Variants in WWOX observed in about 807,000 individuals in gnomAD.
The protein encoded by WWOX is WW domain-containing oxidoreductase.
In WWOX, 69 loss-of-function variants were observed where a neutral mutation model predicts 46.2. The ratio of observed to expected loss-of-function variants is 1.49; its 90% CI spans 1.23 to 1.82. WWOX has a LOEUF of 1.82. Among genes scored for constraint, WWOX ranks in the 40% most tolerant of loss-of-function variants. The probability of loss-of-function intolerance (pLI) is 0.00; values close to 1 mark genes in which losing one functional copy is unlikely to be tolerated. For missense variants in WWOX, 919 were observed against 542.6 expected, an observed-to-expected ratio of 1.69 and a Z score of -6.89; for synonymous variants, 359 against 202.6, an observed-to-expected ratio of 1.77 and a Z score of -6.56.
At chr16:78,300,139 C>G (rs1434477757) in intron 5 of WWOX, among the ~76,000 whole-genome samples, 1 of 152,118 alleles carries the variant, frequency 6.6e-6, no homozygotes, top group Non-Finnish European at 1.5e-5. Flanking sequence ...GAAGTCTGTT[C>G]AATTTTCTTT....
At chr16:78,327,832 C>T (rs931348571) in intron 5 of WWOX, among the ~76,000 whole-genome samples, 14 of 147,616 alleles carry the variant, frequency 9.5e-5, no homozygotes, top group Non-Finnish European at 1.9e-4. Context: ...CTTTGGAAAG[C>T]AAGACATTAG....
intron 8 of WWOX, among the ~76,000 whole-genome samples, chr16:78,802,874 C>A (rs1392844801): frequency 7.8e-6 from 1 of 128,538 alleles, no homozygotes; most frequent in Non-Finnish European, 1.6e-5. Context: ...CAAGATGATG[C>A]CATTGCACTC....
intron 8 of WWOX, among the ~76,000 whole-genome samples, chr16:78,886,999 T>A (rs1244885052): frequency 6.6e-6 from 1 of 151,794 alleles, no homozygotes; most frequent in Non-Finnish European, 1.5e-5. Flanking sequence ...GAAATTTGAG[T>A]TTTCATATTG....
Position 78,654,633 on chromosome 16 carries a change from A to G in WWOX, c.1056+221881A>G, listed in dbSNP as rs2047040115. On this transcript the variant is annotated intron_variant, in intron 8 of 8. Transcript: ENST00000566780. ...GTTTTTAATGTACCTACCTATCTAT[A>G]CCTTTCTCTCTCTCTCTCTCTCTCT... Among the ~76,000 whole-genome samples, 3 of 151,822 alleles carry G rather than the reference A, an allele frequency of 2.0e-5. No individual in the cohort carries two copies. In the South Asian group the frequency reaches 6.2e-4, roughly 32 times the overall value.
chr16:78,198,643 T>G (rs1255410370), intron 5 of WWOX, among the ~76,000 whole-genome samples: 1 of 152,212 alleles, frequency 6.6e-6, no homozygotes, highest in African/African-American at 2.4e-5. Flanking sequence ...AGCTGTTGAT[T>G]TCAGGCACTA....
At chr16:79,187,967 C>T (rs79457880) in intron 8 of WWOX, among the ~76,000 whole-genome samples, 18 of 152,230 alleles carry the variant, frequency 1.2e-4, no homozygotes, top group East Asian at 1.9e-4. Context: ...CCTCTTATCT[C>T]GAAATGTCCA....
At chr16:78,258,832 A>G in intron 5 of WWOX, among the ~76,000 whole-genome samples, 1 of 151,704 alleles carries the variant, frequency 6.6e-6, no homozygotes, top group East Asian at 1.9e-4. Context: ...AGAAACATTT[A>G]TGGAACAGTT....
intron 5 of WWOX, among the ~76,000 whole-genome samples, chr16:78,317,140 A>G (rs1279882116): frequency 6.6e-6 from 1 of 152,140 alleles, no homozygotes; most frequent in African/African-American, 2.4e-5. Flanking sequence ...CAAAGAATGG[A>G]GGAGTAAGGG....
At chr16:78,369,746 AC>A (rs1001135253) in intron 5 of WWOX, among the ~76,000 whole-genome samples, 17 of 151,986 alleles carry the variant, frequency 1.1e-4, no homozygotes, top group Non-Finnish European at 2.2e-4. Flanking sequence ...TTAAAATCCA[AC>A]AAATACGTTG....
intron 8 of WWOX, among the ~76,000 whole-genome samples, chr16:78,839,529 C>T (rs2052081778): frequency 1.3e-5 from 2 of 152,170 alleles, no homozygotes; most frequent in Admixed American, 6.5e-5. Flanking sequence ...TCCCCTTCCT[C>T]ATGCTAATAG....
At chr16:78,949,489 A>G (rs1037435803) in intron 8 of WWOX, among the ~76,000 whole-genome samples, 1 of 151,986 alleles carries the variant, frequency 6.6e-6, no homozygotes, top group East Asian at 1.9e-4. Flanking sequence ...CATTCAATAG[A>G]ATTGCTTTTG....
At chr16:78,854,033 C>G (rs1182205910) in intron 8 of WWOX, among the ~76,000 whole-genome samples, 1 of 152,160 alleles carries the variant, frequency 6.6e-6, no homozygotes, top group Non-Finnish European at 1.5e-5. Context: ...GTACCACCAC[C>G]TGAAGATAAC....
chr16:79,135,798 A>G (rs928365366), intron 8 of WWOX, among the ~76,000 whole-genome samples: 1 of 152,148 alleles, frequency 6.6e-6, no homozygotes, highest in South Asian at 2.1e-4. Flanking sequence ...TTAATTTTAC[A>G]TTGTAATTGT....
In WWOX at chr16:78,734,858, T is replaced by G. The variant is rs1242086005; in HGVS notation, c.1056+302106T>G. Among the ~76,000 whole-genome samples, 8 of 104,950 alleles carry G rather than the reference T, an allele frequency of 7.6e-5. 1 individual carries two copies. Among genetic ancestry groups the G allele is most frequent in the African/African-American group, 3.2e-4 (8 of 24,674 alleles). 68.9% of individuals were successfully genotyped at this position (104,950 alleles called of 152,430 possible). A position where few individuals can be genotyped will look rare whatever the true frequency, so the allele number is the denominator to read the frequency against. On this transcript the variant is annotated intron_variant, in intron 8 of 8. Coordinates refer to ENST00000566780, the MANE Select transcript of WWOX (RefSeq NM_016373.4). ...CTTCAGTCCTTTTTTTTTTTTTTTT[T>G]TTTTTTTTTTTTTTTTTTTTTTTTT...
At chr16:78,448,035 C>G (rs752578802) in intron 8 of WWOX, among the ~76,000 whole-genome samples, 1 of 152,012 alleles carries the variant, frequency 6.6e-6, no homozygotes, top group Admixed American at 6.6e-5. Context: ...AACTCCTGAC[C>G]TCAAGTGATC....
At chr16:78,498,224 A>G (rs944113365) in intron 8 of WWOX, among the ~76,000 whole-genome samples, 20 of 148,842 alleles carry the variant, frequency 1.3e-4, no homozygotes, top group African/African-American at 4.9e-4. Flanking sequence ...AAAAAGAAAA[A>G]AAAGCATCAG....
chr16:78,843,613 C>T (rs1251743484), intron 8 of WWOX, among the ~76,000 whole-genome samples: 2 of 133,196 alleles, frequency 1.5e-5, no homozygotes, highest in Non-Finnish European at 3.5e-5. Flanking sequence ...AATAAAAAAG[C>T]ATAAATGAAT....
chr16:78,802,043 C>G (rs1332292826), intron 8 of WWOX, among the ~76,000 whole-genome samples: 1 of 152,062 alleles, frequency 6.6e-6, no homozygotes, highest in Non-Finnish European at 1.5e-5. Flanking sequence ...GTGGCTTCTC[C>G]TGGCTCTGCT....
intron 8 of WWOX, among the ~76,000 whole-genome samples, chr16:79,195,360 G>C (rs574744299): frequency 6.6e-6 from 1 of 152,150 alleles, no homozygotes; most frequent in Non-Finnish European, 1.5e-5. Context: ...TCTGAAGCTG[G>C]ATTATTCTTC....
Sources: allele counts gnomAD v4.1 joint callset (sites outside exome capture counted in the v4.1 genomes callset), GRCh38; gene constraint gnomAD v4.1.1; transcripts MANE v1.5; gene names NCBI Gene and HGNC (gene_info 2026-07-23, HGNC 2026-07-21).